PABPC4L: variants seen among roughly 807,000 people sequenced by gnomAD.
The protein encoded by PABPC4L is poly(A) binding protein cytoplasmic 4 like.
For synonymous variants in PABPC4L, 169 were observed against 164.1 expected (o/e 1.03, Z -0.23); for missense variants, 452 against 451.4 (o/e 1.00, Z -0.01).
At chr4:134,019,685 A>G in the PABPC4L span, among the ~76,000 whole-genome samples, 3 of 152,182 alleles carry the variant, frequency 2.0e-5, no homozygotes, top group Non-Finnish European at 4.4e-5. Flanking sequence ...GCATAGGTGT[A>G]TCAGTCTGGT....
chr4:133,995,342 A>G, the PABPC4L span, among the ~76,000 whole-genome samples: 1 of 152,134 alleles, frequency 6.6e-6, no homozygotes, highest in Non-Finnish European at 1.5e-5. Context: ...GGAGGCTTTA[A>G]TGCCATAGCC....
the PABPC4L span, among the ~76,000 whole-genome samples, chr4:134,107,892 A>T: frequency 6.6e-6 from 1 of 151,526 alleles, no homozygotes; most frequent in Non-Finnish European, 1.5e-5. Flanking sequence ...TTTAAATTCT[A>T]TGTTGACCCA....
the PABPC4L span, among the ~76,000 whole-genome samples, chr4:134,143,594 G>C: frequency 6.6e-6 from 1 of 150,812 alleles, no homozygotes; most frequent in Admixed American, 6.6e-5. Flanking sequence ...TGAGCATACT[G>C]TAGATTTCTG....
the PABPC4L span, among the ~76,000 whole-genome samples, chr4:134,137,182 T>A: frequency 1.3e-5 from 2 of 151,996 alleles, no homozygotes; most frequent in Non-Finnish European, 2.9e-5. Context: ...TCATTTGTTT[T>A]CCCCAGTATA....
chr4:134,043,242 T>A, the PABPC4L span, among the ~76,000 whole-genome samples: 1 of 152,178 alleles, frequency 6.6e-6, no homozygotes, highest in African/African-American at 2.4e-5. Context: ...ACAGGAAGAA[T>A]TGATGCTATT....
the PABPC4L span, among the ~76,000 whole-genome samples, chr4:134,074,708 C>T: frequency 6.6e-6 from 1 of 152,128 alleles, no homozygotes. Context: ...CCCCAGAAAA[C>T]TTACAATCAT....
chr4:134,036,773 T>C, the PABPC4L span, among the ~76,000 whole-genome samples: 33 of 152,054 alleles, frequency 2.2e-4, 1 homozygote, highest in Non-Finnish European at 1.6e-4. Flanking sequence ...TTGGGTAATA[T>C]AGGCCAATGC....
At chr4:134,177,186 CTT>C in the PABPC4L span, among the ~76,000 whole-genome samples, 8 of 24,574 alleles carry the variant, frequency 3.3e-4, no homozygotes, top group Non-Finnish European at 3.0e-4. Context: ...CTTTTCTTTT[CTT>C]TTTTTTTTTT....
chr4:134,082,057 A>G, the PABPC4L span, among the ~76,000 whole-genome samples: 1 of 152,258 alleles, frequency 6.6e-6, no homozygotes, highest in East Asian at 1.9e-4. Flanking sequence ...GGAAATAAAG[A>G]CAAAGTGATC....
At chr4:134,101,947 A>T in the PABPC4L span, among the ~76,000 whole-genome samples, 184 of 151,716 alleles carry the variant, frequency 1.2e-3, no homozygotes, top group African/African-American at 4.3e-3. Context: ...CCATATTACT[A>T]TCCAGACTAG....
the PABPC4L span, among the ~76,000 whole-genome samples, chr4:134,125,407 A>C: frequency 6.6e-6 from 1 of 152,056 alleles, no homozygotes; most frequent in African/African-American, 2.4e-5. Context: ...GTTGTGTTGC[A>C]CCCATTAACT....
chr4:133,957,356 A>G, the PABPC4L span, among the ~76,000 whole-genome samples: 1 of 152,182 alleles, frequency 6.6e-6, no homozygotes. Flanking sequence ...CTTTGACACC[A>G]TGTCTCACAT....
At chr4:134,038,870 G>C in the PABPC4L span, among the ~76,000 whole-genome samples, 3 of 151,992 alleles carry the variant, frequency 2.0e-5, no homozygotes, top group Non-Finnish European at 4.4e-5. Context: ...GCTAGCTTTT[G>C]AATTTGTTTG....
the PABPC4L span, among the ~76,000 whole-genome samples, chr4:133,972,255 G>A: frequency 2.0e-5 from 3 of 151,990 alleles, no homozygotes; most frequent in Admixed American, 1.3e-4. Context: ...TTTGGTTAGG[G>A]GTGATTAAAG....
chr4:134,193,723 C>G (rs913826592), downstream of PABPC4L, among the ~76,000 whole-genome samples: 1 of 151,830 alleles, frequency 6.6e-6, no homozygotes, highest in Non-Finnish European at 1.5e-5. Context: ...ATATCTAGAT[C>G]TTGCCCAAAC....
At chr4:134,118,615 A>C in the PABPC4L span, among the ~76,000 whole-genome samples, 3 of 151,858 alleles carry the variant, frequency 2.0e-5, no homozygotes, top group Non-Finnish European at 4.4e-5. Flanking sequence ...AGGTAAAAAA[A>C]AAATCAATTT....
the PABPC4L span, among the ~76,000 whole-genome samples, chr4:133,951,779 A>T: frequency 2.0e-5 from 3 of 152,102 alleles, no homozygotes; most frequent in Non-Finnish European, 1.5e-5. Flanking sequence ...GGGTAACCCC[A>T]TTAAGTTACT....
At chr4:134,111,468 T>C in the PABPC4L span, among the ~76,000 whole-genome samples, 1 of 151,928 alleles carries the variant, frequency 6.6e-6, no homozygotes, top group Non-Finnish European at 1.5e-5. Context: ...AACTGTGACA[T>C]ATTAAGTGTT....
the PABPC4L span, among the ~76,000 whole-genome samples, chr4:134,183,044 T>A: frequency 6.6e-6 from 1 of 152,018 alleles, no homozygotes; most frequent in Non-Finnish European, 1.5e-5. Context: ...GAAAGCAGTA[T>A]GGGAATTTCT....
Sources: allele counts gnomAD v4.1 joint callset (sites outside exome capture counted in the v4.1 genomes callset), GRCh38; gene constraint gnomAD v4.1.1; transcripts MANE v1.5; gene names NCBI Gene and HGNC (gene_info 2026-07-23, HGNC 2026-07-21).